EML1: variants seen among roughly 807,000 people sequenced by gnomAD.
EML1 encodes the protein echinoderm microtubule-associated protein-like 1.
EML1 carries 27 observed loss-of-function variants against 110.4 expected under a neutral mutation model. The ratio of observed to expected loss-of-function variants is 0.24; its 90% CI spans 0.18 to 0.34. EML1 has a LOEUF of 0.34. EML1 is among the 10% of genes least tolerant of loss of function. EML1 has a pLI of 1.00. For synonymous variants in EML1, 344 were observed against 385.8 expected (o/e 0.89, Z 1.27); for missense variants, 741 against 1,030.9 (o/e 0.72, Z 3.85).
At chr14:99,876,903 G>A (rs959159) in intron 3 of EML1, among the ~76,000 whole-genome samples, 136,547 of 152,266 alleles carry the variant, frequency 0.9, 61,272 homozygotes, top group East Asian at 1. Flanking sequence ...CTTTTGTATA[G>A]GGCTCTGCAA....
intron 1 of EML1, among the ~76,000 whole-genome samples, chr14:99,849,132 T>G (rs55729966): frequency 0.063 from 9,594 of 152,246 alleles, 1,013 homozygotes; most frequent in African/African-American, 0.22. Context: ...AGAACTTTCA[T>G]TAGCATTTCT....
At chr14:99,875,028 C>T in intron 3 of EML1, 1 of 1,594,252 alleles carries the variant, frequency 6.3e-7, no homozygotes, top group East Asian at 2.2e-5. Context: ...ATAGCTGTTC[C>T]TTCCATTGTT....
chr14:99,857,434 T>C (rs982585206), intron 2 of EML1, among the ~76,000 whole-genome samples: 1 of 152,228 alleles, frequency 6.6e-6, no homozygotes, highest in Non-Finnish European at 1.5e-5. Context: ...TATTGAAATA[T>C]AATTCACATA....
chr14:99,809,697 C>T (rs1330157894), intron 1 of EML1: 1 of 456,050 alleles, frequency 2.2e-6, no homozygotes, highest in East Asian at 6.9e-5. Context: ...AACTTGTTTG[C>T]TAGTTGGATT....
intron 1 of EML1, among the ~76,000 whole-genome samples, chr14:99,823,269 G>A (rs1303997640): frequency 6.6e-6 from 1 of 151,980 alleles, no homozygotes; most frequent in African/African-American, 2.4e-5. Flanking sequence ...GCTTGTGCTA[G>A]TTCCCGGCTC....
intron 13 of EML1, among the ~76,000 whole-genome samples, chr14:99,912,922 G>A (rs554069206): frequency 6.6e-6 from 1 of 152,334 alleles, no homozygotes; most frequent in African/African-American, 2.4e-5. Context: ...ATGTGTGAGG[G>A]GAGGCTGCTT....
At chr14:99,740,490 G>A (rs1354483924) in intron 1 of EML1, among the ~76,000 whole-genome samples, 1 of 152,186 alleles carries the variant, frequency 6.6e-6, no homozygotes, top group Non-Finnish European at 1.5e-5. Flanking sequence ...GCCTTGTTAG[G>A]GTGTCAGGAA....
chr14:99,829,094 G>A (rs1031278851), intron 1 of EML1, among the ~76,000 whole-genome samples: 6 of 152,194 alleles, frequency 3.9e-5, no homozygotes, highest in Non-Finnish European at 7.4e-5. Context: ...TCCCCTGCGG[G>A]TCTTGGAATG....
chr14:99,899,714 ATT>A (rs58436439), intron 8 of EML1, among the ~76,000 whole-genome samples: 22 of 149,446 alleles, frequency 1.5e-4, no homozygotes, highest in African/African-American at 3.2e-4. Context: ...GGGTCTTTCA[ATT>A]TTTTTTTTTT....
intron 1 of EML1, among the ~76,000 whole-genome samples, chr14:99,749,557 C>T (rs979646504): frequency 6.6e-6 from 1 of 152,216 alleles, no homozygotes; most frequent in Non-Finnish European, 1.5e-5. Context: ...ATGTCAGGGT[C>T]CTGGGACATT....
intron 1 of EML1, among the ~76,000 whole-genome samples, chr14:99,776,614 C>A (rs149234070): frequency 6.6e-6 from 1 of 151,976 alleles, no homozygotes; most frequent in Non-Finnish European, 1.5e-5. Flanking sequence ...TACTACAGGA[C>A]GTCAGTAAAA....
upstream of EML1, among the ~76,000 whole-genome samples, chr14:99,793,069 C>T (rs538307707): frequency 1.4e-4 from 21 of 151,488 alleles, no homozygotes; most frequent in East Asian, 3.7e-3. Context: ...AAGGGCCGCC[C>T]GCCGCGCCCC....
intron 1 of EML1, among the ~76,000 whole-genome samples, chr14:99,788,142 T>C (rs377068149): frequency 1.3e-5 from 2 of 152,292 alleles, no homozygotes; most frequent in East Asian, 3.9e-4. Flanking sequence ...GCTGTTCTGG[T>C]AGCTTCTTTT....
chr14:99,819,736 G>A (rs1259139159), intron 1 of EML1, among the ~76,000 whole-genome samples: 2 of 152,170 alleles, frequency 1.3e-5, no homozygotes, highest in African/African-American at 4.8e-5. Context: ...ACATGGGAGG[G>A]GGAAAAGGCG....
At chr14:99,825,427 C>T (rs1017291957) in intron 1 of EML1, among the ~76,000 whole-genome samples, 3 of 152,220 alleles carry the variant, frequency 2.0e-5, no homozygotes, top group East Asian at 1.9e-4. Context: ...GATAGATACC[C>T]GGTAGTGGGA....
chr14:99,880,631 G>C (rs1191113), intron 4 of EML1, among the ~76,000 whole-genome samples: 1 of 151,936 alleles, frequency 6.6e-6, no homozygotes. Flanking sequence ...CATTGTTCCT[G>C]CAGGCTGTCC....
At chr14:99,878,432 A>C in intron 3 of EML1, 53 bp from the exon 4 acceptor site, 10 of 1,551,062 alleles carry the variant, frequency 6.4e-6, no homozygotes, top group Non-Finnish European at 8.7e-6. Context: ...GCTTAGCAAT[A>C]AAATAAAGTC....
chr14:99,746,828 G>T lies in EML1; in HGVS notation c.28+8968G>T, dbSNP rs184795269. On this transcript the variant is annotated intron_variant, in intron 1 of 10. Coordinates refer to the EML1 transcript ENST00000554479. ...CTTGTCCTGTGTCCCCACCCCTCGAGCAGGGCTCCTCCCACCCAGGGCTCC... is the reference window on the plus strand; with the variant it reads ...CTTGTCCTGTGTCCCCACCCCTCGATCAGGGCTCCTCCCACCCAGGGCTCC... Among the ~76,000 whole-genome samples the T allele has an allele frequency of 2.0e-5, 3 of 152,256 alleles. No individual in the cohort carries two copies. The East Asian group carries it at 5.8e-4, about 29-fold the overall frequency.
chr14:99,912,884 A>G (rs2059968268), intron 13 of EML1, among the ~76,000 whole-genome samples: 1 of 152,216 alleles, frequency 6.6e-6, no homozygotes, highest in Non-Finnish European at 1.5e-5. Context: ...ACTTGACTCA[A>G]ATCTGTGCTA....
Sources: allele counts gnomAD v4.1 joint callset (sites outside exome capture counted in the v4.1 genomes callset), GRCh38; gene constraint gnomAD v4.1.1; transcripts MANE v1.5; gene names NCBI Gene and HGNC (gene_info 2026-07-23, HGNC 2026-07-21).